Variants in CHD2 observed in about 807,000 individuals in gnomAD.
CHD2 encodes ATP-dependent chromatin remodeler CHD2.
In CHD2, 28 loss-of-function variants were observed where a neutral mutation model predicts 243.9. The observed-to-expected ratio is 0.11, with a 90% CI of 0.09 to 0.16. The LOEUF (loss-of-function observed/expected upper bound fraction) is 0.16. Ranked by LOEUF, CHD2 falls within the 10% of genes least tolerant of loss-of-function variation. The pLI, the probability that CHD2 is intolerant of heterozygous loss-of-function variation, is 1.00. For synonymous variants in CHD2, 775 were observed against 779.0 expected (o/e 0.99, Z 0.09); for missense variants, 1,386 against 2,209.8 (o/e 0.63, Z 7.47).
intron 2 of CHD2, chr15:92,915,111 A>T (rs191599318): frequency 6.6e-5 from 10 of 152,366 alleles, no homozygotes; most frequent in Admixed American, 2.0e-4. Context: ...TCTGTTTAAC[A>T]CTGGAAGGAG....
intron 16 of CHD2, among the ~76,000 whole-genome samples, chr15:92,963,603 G>C (rs2053717786): frequency 6.6e-6 from 1 of 152,164 alleles, no homozygotes; most frequent in African/African-American, 2.4e-5. Context: ...ATTTCTTCCT[G>C]TGTATTCAGG....
rs1161632785 is a variant in CHD2 at position 92,953,527 on chromosome 15, A to C, written c.1673A>C (p.Glu558Ala). ...WQREFEIWAP[E>A]INVVVYIGDL... ...AGAGAGTTTGAAATCTGGGCACCAG[A>C]GATTAACGTAGTGGTTTACATAGGT... The change falls in exon 14 of 39, where the codon GAG (glutamate) becomes GCG (alanine). Residue 558 changes from glutamate to alanine, a missense_variant. By Grantham distance (107) the Glu-to-Ala change is moderately radical (BLOSUM62 -1). Around this residue, in one of 19 missense-constraint regions of CHD2, gnomAD observed 63 missense variants for 108.8 expected, o/e 0.58. Coordinates refer to ENST00000394196, the MANE Select transcript of CHD2 (RefSeq NM_001271.4). The C allele has an allele frequency of 6.2e-7, 1 of 1,614,040 alleles. No homozygotes were observed. The highest frequency in any genetic ancestry group is 1.3e-5 in the African/African-American group (1 of 74,914).
In CHD2 at chr15:93,023,009, C is replaced by T. The variant is rs116196608; in HGVS notation, c.5154-1363C>T. On this transcript the variant is annotated intron_variant, in intron 38 of 38. Transcript: ENST00000394196. Reference sequence around the variant, plus strand: ...AACTTGAGATTGCTCACTTCTTCCTCCCTCTTTCTTTCATTGAGGTGAAAT... The same window carrying T: ...AACTTGAGATTGCTCACTTCTTCCTTCCTCTTTCTTTCATTGAGGTGAAAT... Among the ~76,000 whole-genome samples, 663 of 152,326 alleles carry T rather than the reference C, an allele frequency of 4.4e-3. 1 individual carries two copies. The highest frequency in any genetic ancestry group is 0.014 in the African/African-American group (593 of 41,574).
At chr15:92,923,860 G>C (rs189849949) in intron 2 of CHD2, among the ~76,000 whole-genome samples, 7 of 152,072 alleles carry the variant, frequency 4.6e-5, no homozygotes, top group Non-Finnish European at 1.0e-4. Context: ...CACCGCGCCC[G>C]GCCTGCTTGG....
At chr15:92,966,840 G>A (rs2053770535) in intron 16 of CHD2, among the ~76,000 whole-genome samples, 1 of 151,578 alleles carries the variant, frequency 6.6e-6, no homozygotes. Context: ...AGCCTGGGAG[G>A]TGGAGGTTGC....
chr15:93,009,521 G>T (rs1171648402), intron 35 of CHD2, among the ~76,000 whole-genome samples, 198 bp downstream of exon 35: 2 of 152,152 alleles, frequency 1.3e-5, no homozygotes, highest in South Asian at 2.1e-4. Context: ...TTTTGAAGGG[G>T]TAGGACGATG....
chr15:93,020,624 CG>C lies in CHD2; in HGVS notation c.5153+367del, dbSNP rs566418520. ...ACCAGCCCACAGTCCTTACCTGCCA[CG>C]AGCCCATAATTGAAGAGTCAAAGTC... On this transcript the variant is annotated intron_variant, in intron 38 of 38. Transcript: ENST00000394196. 44 of 412,104 alleles carry C rather than the reference CG, an allele frequency of 1.1e-4. 2 individuals are homozygous for C. Among genetic ancestry groups the C allele is most frequent in the Middle Eastern group, 1.3e-3 (2 of 1,540 alleles). The allele number at this position is 412,104 out of a possible 1,614,324, so 25.5% of individuals were successfully genotyped here.
chr15:92,979,682 T>A (rs2053952808), intron 22 of CHD2, among the ~76,000 whole-genome samples: 1 of 151,998 alleles, frequency 6.6e-6, no homozygotes, highest in Non-Finnish European at 1.5e-5. Flanking sequence ...TGGAGATTGT[T>A]GTGCTTCCAG....
At chr15:92,965,606 A>G in intron 16 of CHD2, among the ~76,000 whole-genome samples, 1 of 147,312 alleles carries the variant, frequency 6.8e-6, no homozygotes, top group Non-Finnish European at 1.5e-5. Flanking sequence ...CCAACTCAGA[A>G]TCTGATGGTA....
chr15:92,984,648 G>A, intron 25 of CHD2, 148 bp downstream of exon 25: 1 of 659,850 alleles, frequency 1.5e-6, no homozygotes, highest in African/African-American at 1.9e-5. Flanking sequence ...CTTAACAAAG[G>A]AAAGTGGAGA....
At chr15:92,937,764 T>G in intron 6 of CHD2, 139 bp downstream of exon 6, 3 of 615,756 alleles carry the variant, frequency 4.9e-6, no homozygotes, top group Admixed American at 3.4e-5. Flanking sequence ...TGTGGTTCAC[T>G]TTCAGCCAGC....
rs752251419 is a variant in CHD2, at chr15:92,971,901, A to T, written c.2326A>T (p.Arg776Trp). ...GATTAAACCCCCTGAAGAAAATGAA[A>T]GGGAAAATGGACAGGAGATTCTTCT... ...YLIKPPEENE[R>W]ENGQEILLSL... The change falls in exon 18 of 39, where the codon AGG (arginine) becomes TGG (tryptophan). Residue 776 changes from arginine (R) to tryptophan (W), a missense_variant. By Grantham distance (101) the Arg-to-Trp change is moderately radical. Transcript: ENST00000394196. The T allele has an allele frequency of 6.2e-7, 1 of 1,612,412 alleles. No individual in the cohort carries two copies.
At chr15:92,947,837 A>G (rs2053493939) in intron 12 of CHD2, among the ~76,000 whole-genome samples, 1 of 152,214 alleles carries the variant, frequency 6.6e-6, no homozygotes, top group Non-Finnish European at 1.5e-5. Context: ...TGAACACATC[A>G]ATAACCTTAT....
chr15:93,003,352 G>C (rs2054281293), intron 33 of CHD2, among the ~76,000 whole-genome samples: 1 of 151,408 alleles, frequency 6.6e-6, no homozygotes. Flanking sequence ...TAACATGTTA[G>C]AAGCAATTTG....
At chr15:92,989,118 G>T (rs1211942126) in intron 26 of CHD2, among the ~76,000 whole-genome samples, 1 of 137,050 alleles carries the variant, frequency 7.3e-6, no homozygotes, top group Non-Finnish European at 1.5e-5. Flanking sequence ...TGCAACCTCC[G>T]CCTCCTGGGT....
At chr15:92,932,052 C>T (rs1467856501) in intron 5 of CHD2, among the ~76,000 whole-genome samples, 1 of 151,972 alleles carries the variant, frequency 6.6e-6, no homozygotes. Flanking sequence ...TTAATAGAGA[C>T]GGGGTTTCAC....
At chr15:93,019,902 C>T (rs1037070444) in intron 37 of CHD2, 110 bp from the exon 38 acceptor site, 24 of 1,345,402 alleles carry the variant, frequency 1.8e-5, no homozygotes, top group African/African-American at 4.4e-5. Context: ...CACTGCACTC[C>T]AGCCTGGGCA....
intron 6 of CHD2, among the ~76,000 whole-genome samples, chr15:92,938,471 C>T (rs913240740): frequency 2.0e-5 from 3 of 152,162 alleles, no homozygotes; most frequent in African/African-American, 7.2e-5. Context: ...AAAATATTTA[C>T]TCTCTGGCCA....
At chr15:92,913,979 G>T (rs923259342) in intron 2 of CHD2, among the ~76,000 whole-genome samples, 2 of 152,222 alleles carry the variant, frequency 1.3e-5, no homozygotes, top group Admixed American at 1.3e-4. Flanking sequence ...TTACTCCCAT[G>T]ACGTTATGGG....
Sources: gnomAD v4.1 joint callset for allele counts (sites outside exome capture counted in the v4.1 genomes callset) on GRCh38, gnomAD v4.1.1 for gene constraint, gnomAD v4.1.1 regional missense constraint, MANE v1.5 for transcripts, NCBI Gene and HGNC (gene_info 2026-07-23, HGNC 2026-07-21) for gene names.